CACNA2D3: variants seen among roughly 807,000 people sequenced by gnomAD.
CACNA2D3 encodes the protein voltage-dependent calcium channel subunit alpha-2/delta-3.
Under a neutral mutation model 160.6 loss-of-function variants are expected in CACNA2D3, and 60 were observed. That is an observed-to-expected ratio of 0.37 (90% CI 0.30 to 0.46). The LOEUF (loss-of-function observed/expected upper bound fraction) is 0.46. Among genes scored for constraint, CACNA2D3 ranks in the 20% least tolerant of loss-of-function variants. The probability of loss-of-function intolerance (pLI) is 1.00; values close to 1 mark genes in which losing one functional copy is unlikely to be tolerated. For missense variants in CACNA2D3, 1,205 were observed against 1,365.0 expected, an observed-to-expected ratio of 0.88 and a Z score of 1.85; for synonymous variants, 558 against 492.9, an observed-to-expected ratio of 1.13 and a Z score of -1.75.
At chr3:54,717,945 T>A (rs766124186) in intron 11 of CACNA2D3, among the ~76,000 whole-genome samples, 1 of 152,306 alleles carries the variant, frequency 6.6e-6, no homozygotes, top group Non-Finnish European at 1.5e-5. Flanking sequence ...TTCCCATCCC[T>A]GTGATCACTA....
chr3:55,063,848 C>T (rs1000892721), intron 35 of CACNA2D3, among the ~76,000 whole-genome samples: 13 of 152,190 alleles, frequency 8.5e-5, no homozygotes, highest in African/African-American at 3.1e-4. Context: ...ATAAGCCTAA[C>T]ATTTTGCAGA....
chr3:54,425,352 CAAAG>C (rs996522930), intron 4 of CACNA2D3, among the ~76,000 whole-genome samples: 5 of 151,558 alleles, frequency 3.3e-5, no homozygotes, highest in African/African-American at 9.8e-5. Context: ...AACAAACAAA[CAAAG>C]AAGTCAGAAA....
chr3:54,764,039 A>G (rs796112353), intron 12 of CACNA2D3, among the ~76,000 whole-genome samples, 179 bp from the exon 13 acceptor site: 2 of 151,426 alleles, frequency 1.3e-5, no homozygotes, highest in Non-Finnish European at 2.9e-5. Context: ...TATTACTCAT[A>G]AAGTGGGTGA....
intron 31 of CACNA2D3, among the ~76,000 whole-genome samples, chr3:55,001,184 C>T (rs759413662): frequency 3.3e-5 from 5 of 152,308 alleles, no homozygotes; most frequent in South Asian, 4.1e-4. Flanking sequence ...CCTGCATCAT[C>T]GCTTGGTAAC....
At chr3:54,185,138 G>C (rs1700858634) in intron 2 of CACNA2D3, among the ~76,000 whole-genome samples, 2 of 152,174 alleles carry the variant, frequency 1.3e-5, no homozygotes, top group Non-Finnish European at 2.9e-5. Context: ...GGAAAAACCT[G>C]TTTCAATACC....
chr3:54,246,724 C>CA (rs751213857), intron 2 of CACNA2D3, among the ~76,000 whole-genome samples: 2 of 147,750 alleles, frequency 1.4e-5, no homozygotes, highest in Non-Finnish European at 3.0e-5. Flanking sequence ...AACTCCATCT[C>CA]AAAAAAACAA....
chr3:55,005,655 A>G (rs978367173), intron 32 of CACNA2D3, among the ~76,000 whole-genome samples: 1 of 152,190 alleles, frequency 6.6e-6, no homozygotes, highest in Non-Finnish European at 1.5e-5. Context: ...GTACCATTAG[A>G]AACTGGCTTT....
At chr3:54,281,593 T>A (rs1465662885) in intron 2 of CACNA2D3, among the ~76,000 whole-genome samples, 1 of 152,210 alleles carries the variant, frequency 6.6e-6, no homozygotes, top group East Asian at 1.9e-4. Context: ...CCCACCATGG[T>A]CACGTGGAAC....
chr3:54,204,483 A>T (rs1701235095), intron 2 of CACNA2D3, among the ~76,000 whole-genome samples: 1 of 152,154 alleles, frequency 6.6e-6, no homozygotes, highest in African/African-American at 2.4e-5. Context: ...AAACAATCAG[A>T]AAAAAGGAAT....
chr3:54,569,726 G>C, intron 6 of CACNA2D3, 69 bp from the exon 7 acceptor site: 1 of 1,256,114 alleles, frequency 8.0e-7, no homozygotes, highest in Non-Finnish European at 1.1e-6. Flanking sequence ...GCAAAGTAGA[G>C]CAGCCTTGAA....
At chr3:55,040,082 C>G (rs1322128760) in intron 35 of CACNA2D3, among the ~76,000 whole-genome samples, 1 of 152,136 alleles carries the variant, frequency 6.6e-6, no homozygotes, top group Non-Finnish European at 1.5e-5. Flanking sequence ...CTGGTAACGG[C>G]TCTCTTCTTT....
At position 54,809,569 on chromosome 3, in the gene CACNA2D3, C is replaced by T. The variant is rs891627734; in HGVS notation, c.1381-7284C>T. Among the ~76,000 whole-genome samples the T allele has an allele frequency of 1.4e-3, 199 of 143,948 alleles. 2 individuals are homozygous for T. The highest frequency in any genetic ancestry group is 1.9e-3 in the Admixed American group (28 of 14,886). 94.4% of individuals were successfully genotyped at this position (143,948 alleles called of 152,430 possible). A position where few individuals can be genotyped will look rare whatever the true frequency, so the allele number is the denominator to read the frequency against. ...TCCTGACCTCATGATCCACCCGCCTCGGCCTCCCAAAGTGCTGGGATTACA... is the reference window on the plus strand; with the variant it reads ...TCCTGACCTCATGATCCACCCGCCTTGGCCTCCCAAAGTGCTGGGATTACA... On this transcript the variant is annotated intron_variant, in intron 13 of 37. Coordinates refer to ENST00000474759, the MANE Select transcript of CACNA2D3 (RefSeq NM_018398.3).
At chr3:54,502,030 T>A (rs1701302945) in intron 4 of CACNA2D3, among the ~76,000 whole-genome samples, 1 of 152,324 alleles carries the variant, frequency 6.6e-6, no homozygotes, top group South Asian at 2.1e-4. Flanking sequence ...GGTAAGATTC[T>A]CCCACCCTCT....
intron 3 of CACNA2D3, among the ~76,000 whole-genome samples, chr3:54,383,700 A>G (rs1053942439): frequency 1.1e-4 from 16 of 149,804 alleles, no homozygotes; most frequent in Non-Finnish European, 2.1e-4. Flanking sequence ...TCCCTATTAG[A>G]AAAAAAAAAG....
intron 4 of CACNA2D3, among the ~76,000 whole-genome samples, chr3:54,407,480 A>T (rs1423736982): frequency 6.6e-6 from 1 of 152,130 alleles, no homozygotes; most frequent in Non-Finnish European, 1.5e-5. Flanking sequence ...GATGTTTCTT[A>T]GTTAGGACTT....
chr3:54,853,394 C>T (rs1026181364), intron 17 of CACNA2D3, among the ~76,000 whole-genome samples: 1 of 152,196 alleles, frequency 6.6e-6, no homozygotes, highest in African/African-American at 2.4e-5. Flanking sequence ...CAGTTTCTTA[C>T]AATAAATGAG....
intron 4 of CACNA2D3, among the ~76,000 whole-genome samples, chr3:54,472,677 C>A (rs1393006505): frequency 6.6e-6 from 1 of 152,194 alleles, no homozygotes; most frequent in African/African-American, 2.4e-5. Context: ...TGATAAGCAA[C>A]TTCAGCAAAG....
chr3:54,899,564 G>T (rs1294779031), intron 26 of CACNA2D3, among the ~76,000 whole-genome samples: 1 of 152,124 alleles, frequency 6.6e-6, no homozygotes. Flanking sequence ...TGCACTGGTG[G>T]TCATAACTCA....
chr3:54,742,906 C>T (rs1255265593), intron 11 of CACNA2D3, among the ~76,000 whole-genome samples: 2 of 152,156 alleles, frequency 1.3e-5, no homozygotes, highest in African/African-American at 2.4e-5. Flanking sequence ...CTTTTTTATA[C>T]CTCCATTTCC....
Sources: allele counts gnomAD v4.1 joint callset (sites outside exome capture counted in the v4.1 genomes callset), GRCh38; gene constraint gnomAD v4.1.1; transcripts MANE v1.5; gene names NCBI Gene and HGNC (gene_info 2026-07-23, HGNC 2026-07-21).